ACP4: variants seen among roughly 807,000 people sequenced by gnomAD.
ACP4 encodes testicular acid phosphatase.
Under a neutral mutation model 47.3 loss-of-function variants are expected in ACP4, and 49 were observed. That is an observed-to-expected ratio of 1.04 (90% CI 0.82 to 1.32). ACP4 has a LOEUF of 1.32. ACP4 is among the 40% of genes most tolerant of loss of function. The pLI is 0.00. For synonymous variants in ACP4, 299 were observed against 265.3 expected, an observed-to-expected ratio of 1.13 and a Z score of -1.23; for missense variants, 594 against 579.3, an observed-to-expected ratio of 1.03 and a Z score of -0.26.
intron 4 of ACP4, 44 bp downstream of exon 4, chr19:50,791,846 G>A: frequency 1.3e-6 from 2 of 1,547,456 alleles, no homozygotes; most frequent in Non-Finnish European, 1.8e-6. Context: ...GGAGCGGGTG[G>A]AGAGAGAGGC....
chr19:50,790,891 C>A (rs1314833074), intron 3 of ACP4, 31 bp downstream of exon 3: 1 of 1,531,438 alleles, frequency 6.5e-7, no homozygotes, highest in South Asian at 1.2e-5. Flanking sequence ...ACCTGGCCCC[C>A]TGACCTCCCA....
Position 50,791,684 on chromosome 19 carries a change from G to A in ACP4, c.332G>A (p.Arg111His), listed in dbSNP as rs530116315. ...TACATCCGCAGCACGGACTTTGACC[G>A]CACGCTGGAGAGTGCCCAGGCCAAC... ...EVYIRSTDFD[R>H]TLESAQANLA... The change falls in exon 4 of 11, where the codon CGC becomes CAC. Residue 111 changes from arginine (R) to histidine (H), a missense_variant. Physicochemically the swap from Arg to His is conservative, Grantham distance 29. Transcript: ENST00000270593. The A allele has an allele frequency of 3.1e-6, 5 of 1,613,140 alleles. No individual in the cohort carries two copies. The highest frequency in any genetic ancestry group is 2.7e-5 in the African/African-American group (2 of 75,042).
chr19:50,791,274 C>T (rs2089503512), intron 3 of ACP4, among the ~76,000 whole-genome samples: 1 of 152,104 alleles, frequency 6.6e-6, no homozygotes, highest in Non-Finnish European at 1.5e-5. Flanking sequence ...CCTCCTATGT[C>T]TTCTGACATC....
At chr19:50,792,791 C>T (rs896098135) in intron 6 of ACP4, 1 of 152,388 alleles carries the variant, frequency 6.6e-6, no homozygotes, top group African/African-American at 2.4e-5. Context: ...TAGGAATTCT[C>T]CTGCCTCAGC....
Position 50,795,086 on chromosome 19 carries a change from G to A in ACP4, c.1209G>A (p.Val403=), listed in dbSNP as rs2089547488. 1 of 1,592,398 alleles carries A rather than the reference G, an allele frequency of 6.3e-7. No homozygotes were observed. Among genetic ancestry groups the A allele is most frequent in the East Asian group, 2.3e-5 (1 of 43,390 alleles). Residue 403 remains valine (V), a synonymous_variant, in exon 11 of 11, where the codon GTG becomes GTA. Coordinates refer to ENST00000270593, the MANE Select transcript of ACP4 (RefSeq NM_033068.3). The stretch of plus-strand genomic sequence containing the variant: ...TGGCCGGAGCTGTAGCTGTGCTGGT[G>A]GCACTCAGCTTGGGGCTGGGCCTGC... ...PLLAGAVAVL[V]ALSLGLGLLA...
At chr19:50,793,347 T>C in intron 6 of ACP4, 1 of 258,544 alleles carries the variant, frequency 3.9e-6, no homozygotes, top group Non-Finnish European at 7.5e-6. Flanking sequence ...CCGTCTCTAC[T>C]AAAAATAAAA....
At chr19:50,794,412 G>A (rs1407583731) in intron 8 of ACP4, 45 bp from the exon 9 acceptor site, 23 of 1,608,842 alleles carry the variant, frequency 1.4e-5, no homozygotes, top group Non-Finnish European at 1.7e-5. Flanking sequence ...CAGGAGAAAG[G>A]CCTCCAGAGA....
intron 3 of ACP4, 37 bp downstream of exon 3, chr19:50,790,897 T>TC: frequency 6.6e-7 from 1 of 1,524,060 alleles, no homozygotes; most frequent in Non-Finnish European, 8.8e-7. Flanking sequence ...CCCCCTGACC[T>TC]CCCACCTGTG....
At chr19:50,793,088 G>A (rs546143115) in intron 6 of ACP4, 1 of 155,768 alleles carries the variant, frequency 6.4e-6, no homozygotes, top group Non-Finnish European at 1.4e-5. Flanking sequence ...TGTGTTCCAT[G>A]CTGTGTGGTG....
At position 50,791,788 on chromosome 19, in the gene ACP4, G is replaced by A. The variant is rs758104548; in HGVS notation, c.436G>A (p.Val146Met). Residue 146 changes from valine (V) to methionine (M), a missense_variant, in exon 4 of 11, where the codon GTG (valine) becomes ATG (methionine). Val to Met is a conservative substitution (Grantham distance 21). Transcript: ENST00000270593. ...WRPIPVHTVP[V>M]AEDKLLRFPM... ...GCCGATCCCGGTGCACACGGTGCCC[G>A]TGGCTGAGGATAAGGTCAGGGGGCT... The A allele has an allele frequency of 8.7e-6, 14 of 1,607,684 alleles. No homozygotes were observed. Among genetic ancestry groups the A allele is most frequent in the East Asian group, 2.2e-5 (1 of 44,750 alleles).
intron 6 of ACP4, 173 bp downstream of exon 6, chr19:50,792,510 A>G: frequency 1.6e-6 from 1 of 643,580 alleles, no homozygotes; most frequent in Admixed American, 2.8e-5. Flanking sequence ...GGACGCTGTG[A>G]GGATTCAAAT....
chr19:50,793,669 C>T lies in ACP4; in HGVS notation c.646-15C>T, dbSNP rs1406831450. The T allele has an allele frequency of 6.2e-7, 1 of 1,612,108 alleles. No homozygotes were observed. The highest frequency in any genetic ancestry group is 8.5e-7 in the Non-Finnish European group (1 of 1,179,480). On this transcript the variant is annotated splice_polypyrimidine_tract_variant and intron_variant, in intron 6 of 10. Transcript: ENST00000270593. ...CGAGGGCTCAGGATGGTCCATCTGT[C>T]CTGTCTCCCCACAGCAAGCCCACGG... is the stretch of plus-strand genomic sequence containing the variant.
At chr19:50,790,739 T>TGGGGGGGGGGGGGG in intron 2 of ACP4, 35 bp from the exon 3 acceptor site, 1 of 825,990 alleles carries the variant, frequency 1.2e-6, no homozygotes, top group Non-Finnish European at 1.8e-6. Flanking sequence ...GTGGGAGGGG[T>TGGGGGGGGGGGGGG]GGGGAGTGGT....
Position 50,792,313 on chromosome 19 carries a change from G to A in ACP4, c.621G>A (p.Lys207=), listed in dbSNP as rs2089517336. Residue 207 remains lysine (K), a synonymous_variant, in exon 6 of 11, where the codon AAG becomes AAA. Transcript: ENST00000270593. ...GAGAGCCACTGCGCAGGGCATGGAA[G>A]GTTCTGGACACCCTCATGTGCCAGG... is the stretch of plus-strand genomic sequence containing the variant. The part of the protein sequence containing the change: ...LVGEPLRRAW[K]VLDTLMCQQA... 3 of 1,613,316 alleles carry A rather than the reference G, an allele frequency of 1.9e-6. No individual in the cohort carries two copies. Among genetic ancestry groups the A allele is most frequent in the African/African-American group, 2.7e-5 (2 of 74,930 alleles).
chr19:50,791,491 A>G (rs959378053), intron 3 of ACP4, among the ~76,000 whole-genome samples, 165 bp from the exon 4 acceptor site: 2 of 152,154 alleles, frequency 1.3e-5, no homozygotes, highest in African/African-American at 4.8e-5. Flanking sequence ...TGCTCCTGAC[A>G]TTAGCCTCTG....
At chr19:50,790,961 C>G in intron 3 of ACP4, 101 bp downstream of exon 3, 1 of 1,182,002 alleles carries the variant, frequency 8.5e-7, no homozygotes, top group Admixed American at 2.4e-5. Flanking sequence ...CCTTTGACCT[C>G]CATCAACCTG....
In ACP4 at chr19:50,794,784, A is replaced by T; in HGVS notation, c.987-2A>T. On this transcript the variant is annotated splice_acceptor_variant, in intron 9 of 10. Transcript: ENST00000270593. LOFTEE classifies it high-confidence loss of function. ...AGGTGCCACCATGTCCTCTCTCTCC[A>T]GGAATGTCACCGTCTCCCTCTTCTA... 6 of 1,598,322 alleles carry T rather than the reference A, an allele frequency of 3.8e-6. No homozygotes were observed. Among genetic ancestry groups the T allele is most frequent in the Non-Finnish European group, 5.1e-6 (6 of 1,170,582 alleles).
chr19:50,791,189 T>C (rs973310141), intron 3 of ACP4, among the ~76,000 whole-genome samples: 2 of 152,324 alleles, frequency 1.3e-5, no homozygotes, highest in South Asian at 2.1e-4. Flanking sequence ...TTGACCCTTG[T>C]TGACGTAACT....
In ACP4 at chr19:50,794,662, G is replaced by A. The variant is rs539222680; in HGVS notation, c.986+81G>A. ...GGTGATGTGTCAGGCAGAGGGCATGGCCAGGTGGGGAGCTGCATGGGATGA... is the reference window on the plus strand; with the variant it reads ...GGTGATGTGTCAGGCAGAGGGCATGACCAGGTGGGGAGCTGCATGGGATGA... On this transcript the variant is annotated intron_variant, in intron 9 of 10. Transcript: ENST00000270593. 52 of 1,605,988 alleles carry A rather than the reference G, an allele frequency of 3.2e-5. 1 individual carries two copies. In the South Asian group the frequency reaches 5.7e-4, roughly 18 times the overall value.
Sources: gnomAD v4.1 joint callset for allele counts (sites outside exome capture counted in the v4.1 genomes callset) on GRCh38, gnomAD v4.1.1 for gene constraint, MANE v1.5 for transcripts, NCBI Gene and HGNC (gene_info 2026-07-23, HGNC 2026-07-21) for gene names.